The following ING1 variants were observed in gnomAD, a reference collection of about 807,000 sequenced individuals.
ING1 encodes inhibitor of growth family member 1.
A neutral mutation model predicts 23.1 loss-of-function variants in ING1; 4 were observed. The observed-to-expected ratio is 0.17, with a 90% CI of 0.09 to 0.40. The LOEUF is 0.40. Among genes scored for constraint, ING1 ranks in the 10% least tolerant of loss-of-function variants. The pLI is 1.00. For missense variants in ING1, 256 were observed against 393.8 expected, an observed-to-expected ratio of 0.65 and a Z score of 2.96; for synonymous variants, 179 against 166.4, an observed-to-expected ratio of 1.08 and a Z score of -0.58.
At chr13:110,713,665 G>T, upstream of ING1, 1 of 985,544 alleles carries the variant, frequency 1.0e-6, no homozygotes, top group African/African-American at 1.7e-5. Flanking sequence ...GCGCAGCGGG[G>T]CTGAATGTTT....
chr13:110,717,815 A>C (rs2064136824), intron 1 of ING1, among the ~76,000 whole-genome samples: 1 of 152,192 alleles, frequency 6.6e-6, no homozygotes, highest in African/African-American at 2.4e-5. Context: ...ACAAGAGTGA[A>C]ACTCCGTTTC....
rs2064179419 is a variant in ING1 at position 110,722,745 on chromosome 13, T to G, written c.*2813T>G. On this transcript the variant is annotated 3_prime_UTR_variant, in exon 2 of 2. Transcript: ENST00000333219. ...TAAGGACAGGTGGGTAGCCACTTAT[T>G]CTTTAAAAAAAAATAGATACAATAC... 6.6e-6 allele frequency: 1 copy of G among 152,272 alleles called. No homozygotes were observed. Among genetic ancestry groups the G allele is most frequent in the South Asian group, 2.1e-4 (1 of 4,834 alleles). The allele number at this position is 152,272 out of a possible 1,614,324, so 9.4% of individuals were successfully genotyped here.
chr13:110,715,231 A>C (rs567389713), intron 1 of ING1: 1 of 1,307,910 alleles, frequency 7.6e-7, no homozygotes, highest in Non-Finnish European at 9.7e-7. Context: ...CTCGGAGTTT[A>C]CTAATGTTTA....
At chr13:110,712,909 G>T (rs765351793), upstream of ING1, 10 of 1,537,634 alleles carry the variant, frequency 6.5e-6, no homozygotes, top group Middle Eastern at 3.3e-4. Flanking sequence ...CAAAGGGAGG[G>T]CGGTGACGGA....
At position 110,713,795 on chromosome 13, in the gene ING1, G is replaced by C; in HGVS notation, c.-355G>C. ...TCCTCTCTTCTACCCAGCCCAGTGG[G>C]CGAGTGGGCAGCGGCGGCCGCGGCG... is the stretch of plus-strand genomic sequence containing the variant. On this transcript the variant is annotated 5_prime_UTR_variant, in exon 1 of 2. Coordinates refer to ENST00000333219, the MANE Select transcript of ING1 (RefSeq NM_198219.3). 3 of 984,656 alleles carry C rather than the reference G, an allele frequency of 3.0e-6. No individual in the cohort carries two copies. The South Asian group carries it at 1.4e-4, about 46-fold the overall frequency. 61.0% of individuals were successfully genotyped at this position (984,656 alleles called of 1,614,324 possible).
At position 110,715,661 on chromosome 13, in the gene ING1, G is replaced by T. The variant is rs765607573; in HGVS notation, c.136+1376G>T. 3.1e-6 allele frequency: 5 copies of T among 1,610,766 alleles called. No homozygotes were observed. The South Asian group carries it at 5.5e-5, about 18-fold the overall frequency. On this transcript the variant is annotated intron_variant, in intron 1 of 1. Coordinates refer to ENST00000333219, the MANE Select transcript of ING1 (RefSeq NM_198219.3). ...TGGATTGGTTCTTCTCGCTGCTGGG[G>T]CGGGCCGTGCTCTTCCGCCCTGCGG...
At chr13:110,712,640 G>T, upstream of ING1, 1 of 565,886 alleles carries the variant, frequency 1.8e-6, no homozygotes, top group Non-Finnish European at 3.3e-6. Context: ...GAGGGGCGAC[G>T]CGGGGGAGGG....
chr13:110,713,592 G>A (rs927001190), upstream of ING1: 2 of 985,664 alleles, frequency 2.0e-6, no homozygotes, highest in African/African-American at 3.5e-5. Flanking sequence ...GGACGGTGAG[G>A]GGCGTGAATG....
intron 1 of ING1, among the ~76,000 whole-genome samples, chr13:110,716,917 A>G (rs2064128753): frequency 6.6e-6 from 1 of 152,262 alleles, no homozygotes; most frequent in Non-Finnish European, 1.5e-5. Context: ...TGTTGATAAA[A>G]TACTTTGCTT....
chr13:110,714,408 C>A, intron 1 of ING1, 123 bp downstream of exon 1: 1 of 944,174 alleles, frequency 1.1e-6, no homozygotes, highest in Non-Finnish European at 1.4e-6. Context: ...AGCGGCGGCC[C>A]TCGGCAGGGG....
chr13:110,716,254 A>C (rs1478987369), intron 1 of ING1, among the ~76,000 whole-genome samples: 1 of 152,130 alleles, frequency 6.6e-6, no homozygotes, highest in Non-Finnish European at 1.5e-5. Flanking sequence ...GTTGCTGGGG[A>C]GAGCCTGGCT....
At chr13:110,713,572 C>G (rs941955712), upstream of ING1, 19 of 985,858 alleles carry the variant, frequency 1.9e-5, no homozygotes, top group Admixed American at 6.1e-5. Flanking sequence ...CCCGCAGCCC[C>G]CAGGGCCTGG....
chr13:110,719,589 A>T lies in ING1; in HGVS notation c.497A>T (p.His166Leu). 6.2e-7 allele frequency: 1 copy of T among 1,611,088 alleles called. No homozygotes were observed. Among genetic ancestry groups the T allele is most frequent in the African/African-American group, 1.3e-5 (1 of 74,668 alleles). The change falls in exon 2 of 2, where the codon CAC becomes CTC. Residue 166 changes from histidine to leucine, a missense_variant. This residue lies in a region of ING1 where 209 missense variants were observed against 273.8 expected (regional missense o/e 0.76). Transcript: ENST00000333219. The surrounding 1 kb of genome is among the most constrained non-coding windows in gnomAD (Gnocchi z 8.9). Reference protein sequence around the residue: ...NENRENASSNHDHDDGASGTP... With the variant: ...NENRENASSNLDHDDGASGTP... ...AACCGTGAGAACGCGTCCAGCAACCACGACCACGACGACGGCGCCTCGGGC... is the reference window on the plus strand; with the variant it reads ...AACCGTGAGAACGCGTCCAGCAACCTCGACCACGACGACGGCGCCTCGGGC...
upstream of ING1, chr13:110,713,493 C>G (rs2064064047): frequency 1.0e-6 from 1 of 987,128 alleles, no homozygotes. Flanking sequence ...TGACGCTGTC[C>G]CCTCCGCGAC....
intron 1 of ING1, chr13:110,715,609 G>A: frequency 3.7e-6 from 6 of 1,614,046 alleles, no homozygotes; most frequent in Non-Finnish European, 5.1e-6. Flanking sequence ...TGATTTGAAC[G>A]TCTTCGGGTC....
chr13:110,719,952 T>C lies in ING1; in HGVS notation c.*20T>C, dbSNP rs2064158422. ...AGGTAGTTTGTGGACAGGCGCCTGG[T>C]GTGAGGAGGACAAAATAAACCGTGT... On this transcript the variant is annotated 3_prime_UTR_variant, in exon 2 of 2. Coordinates refer to ENST00000333219, the MANE Select transcript of ING1 (RefSeq NM_198219.3). The surrounding 1 kb of genome is among the most constrained non-coding windows in gnomAD (Gnocchi z 8.9). 1.9e-6 allele frequency: 3 copies of C among 1,546,582 alleles called. No homozygotes were observed. Among genetic ancestry groups the C allele is most frequent in the Non-Finnish European group, 1.8e-6 (2 of 1,142,414 alleles).
intron 1 of ING1, among the ~76,000 whole-genome samples, chr13:110,718,992 C>T (rs907731724): frequency 3.3e-5 from 5 of 151,232 alleles, no homozygotes; most frequent in Middle Eastern, 3.2e-3. Context: ...TGGAGCGGCT[C>T]CTGCCGCTGT....
rs1566382209 is a variant in ING1, at chr13:110,719,389, G to A, written c.297G>A (p.Val99=). ...IQIVSQMVEL[V]ENRTRQVDSH... Reference sequence around the variant, plus strand: ...TCGTGAGCCAGATGGTGGAGCTGGTGGAGAACCGCACGCGGCAGGTGGACA... The same window carrying A: ...TCGTGAGCCAGATGGTGGAGCTGGTAGAGAACCGCACGCGGCAGGTGGACA... The change falls in exon 2 of 2, where the codon GTG becomes GTA. Residue 99 remains valine (V), a synonymous_variant. Coordinates refer to ENST00000333219, the MANE Select transcript of ING1 (RefSeq NM_198219.3). This position sits in a 1 kb window ranked among gnomAD's most constrained non-coding sequence, Gnocchi z 8.9. 6.2e-7 allele frequency: 1 copy of A among 1,610,676 alleles called. No individual in the cohort carries two copies. Among genetic ancestry groups the A allele is most frequent in the Admixed American group, 1.7e-5 (1 of 59,960 alleles).
At chr13:110,713,011 A>C, upstream of ING1, 1 of 1,530,204 alleles carries the variant, frequency 6.5e-7, no homozygotes, top group Non-Finnish European at 8.8e-7. Flanking sequence ...GCCGCAGCTC[A>C]AAGGACACCG....
Sources: allele counts gnomAD v4.1 joint callset (sites outside exome capture counted in the v4.1 genomes callset), GRCh38; gene constraint gnomAD v4.1.1; regional missense constraint gnomAD v4.1.1; non-coding constraint Gnocchi (gnomAD v3.1); transcripts MANE v1.5; gene names NCBI Gene and HGNC (gene_info 2026-07-23, HGNC 2026-07-21).